The following COL3A1 variants were observed in gnomAD, a reference collection of about 807,000 sequenced individuals.
The protein encoded by COL3A1 is collagen type III alpha 1 chain.
Under a neutral mutation model 200.9 loss-of-function variants are expected in COL3A1, and 46 were observed. That is an observed-to-expected ratio of 0.23 (90% CI 0.18 to 0.29). The LOEUF is 0.29. Among genes scored for constraint, COL3A1 ranks in the 10% least tolerant of loss-of-function variants. The pLI is 1.00. For missense variants in COL3A1, 1,367 were observed against 1,917.6 expected, an observed-to-expected ratio of 0.71 and a Z score of 5.36; for synonymous variants, 650 against 628.0, an observed-to-expected ratio of 1.03 and a Z score of -0.52.
chr2:189,006,791 G>C, intron 43 of COL3A1, 146 bp from the exon 44 acceptor site: 4 of 919,766 alleles, frequency 4.3e-6, no homozygotes, highest in South Asian at 3.0e-5. Context: ...TTAGCACTTT[G>C]AAGGCAAAAA....
In COL3A1 at chr2:189,010,385, T is replaced by A; in HGVS notation, c.4011+20T>A. 6.2e-7 allele frequency: 1 copy of A among 1,613,002 alleles called. No homozygotes were observed. Among genetic ancestry groups the A allele is most frequent in the South Asian group, 1.1e-5 (1 of 91,052 alleles). ...TTTCAGGTAGGAAAGGATATACCTTTTTTTAAATAAGTCACCTCTATATCC... is the reference window on the plus strand; with the variant it reads ...TTTCAGGTAGGAAAGGATATACCTTATTTTAAATAAGTCACCTCTATATCC... On this transcript the variant is annotated intron_variant, in intron 49 of 50. Transcript: ENST00000304636.
At chr2:188,993,985 A>C in intron 16 of COL3A1, 53 bp from the exon 17 acceptor site, 3 of 1,539,296 alleles carry the variant, frequency 1.9e-6, no homozygotes, top group Non-Finnish European at 2.7e-6. Context: ...CTTCAAATAT[A>C]TACGAACTAT....
Position 188,996,586 on chromosome 2 carries a change from T to A in COL3A1, c.1761+90T>A, listed in dbSNP as rs940001592. On this transcript the variant is annotated intron_variant, in intron 24 of 50. Coordinates refer to ENST00000304636, the MANE Select transcript of COL3A1 (RefSeq NM_000090.4). ...GTAAAGAAATGGTCAAAACTCAGTC[T>A]CCTCTTCAAAGCATGGAGGAGTATA... 10 of 1,065,558 alleles carry A rather than the reference T, an allele frequency of 9.4e-6. No individual in the cohort carries two copies. In the Admixed American group the frequency reaches 2.1e-4, roughly 22 times the overall value. 66.0% of individuals were successfully genotyped at this position (1,065,558 alleles called of 1,614,324 possible). A position where few individuals can be genotyped will look rare whatever the true frequency, so the allele number is the denominator to read the frequency against.
intron 7 of COL3A1, 90 bp from the exon 8 acceptor site, chr2:188,989,306 G>C: frequency 1.1e-6 from 1 of 885,370 alleles, no homozygotes; most frequent in Non-Finnish European, 1.8e-6. Flanking sequence ...TCTAAAAGGA[G>C]GTTCCTTCCA....
At chr2:189,002,096 TA>T (rs1306843400) in intron 34 of COL3A1, among the ~76,000 whole-genome samples, 1 of 152,190 alleles carries the variant, frequency 6.6e-6, no homozygotes, top group Non-Finnish European at 1.5e-5. Context: ...AATATCACAG[TA>T]GGAGGCAGAA....
At position 189,011,412 on chromosome 2, in the gene COL3A1, A is replaced by C. The variant is rs13028444; in HGVS notation, c.4255-216A>C. Among the ~76,000 whole-genome samples the C allele has an allele frequency of 0.23, 35,472 of 152,122 alleles. 4,449 individuals carry two copies. Among genetic ancestry groups the C allele is most frequent in the Middle Eastern group, 0.34 (100 of 290 alleles). ...TGGTCTATAGCAATTGCCCTGCTGCATTTACTAAGAATCCTTACAAGGCAT... is the reference window on the plus strand; with the variant it reads ...TGGTCTATAGCAATTGCCCTGCTGCCTTTACTAAGAATCCTTACAAGGCAT... On this transcript the variant is annotated intron_variant, in intron 50 of 50. Transcript: ENST00000304636.
At chr2:188,980,139 G>A (rs954342719) in intron 1 of COL3A1, among the ~76,000 whole-genome samples, 2 of 151,570 alleles carry the variant, frequency 1.3e-5, no homozygotes, top group Non-Finnish European at 3.0e-5. Flanking sequence ...TTATTTATAA[G>A]ACTATACAAT....
Position 189,010,352 on chromosome 2 carries a change from A to T in COL3A1, c.3998A>T (p.Asp1333Val), listed in dbSNP as rs376651720. The part of the protein sequence containing the change: ...KKHVWFGESM[D>V]GGFQFSYGNP... ...CACGTTTGGTTTGGAGAGTCCATGG[A>T]TGGTGGTTTTCAGGTAGGAAAGGAT... Residue 1333 changes from aspartate to valine, a missense_variant, in exon 49 of 51, where the codon GAT (aspartate) becomes GTT (valine). Physicochemically the swap from Asp to Val is radical, Grantham distance 152. Around this residue, in one of 5 missense-constraint regions of COL3A1, gnomAD observed 846 missense variants for 1,147.9 expected, o/e 0.74. Transcript: ENST00000304636. 6.2e-7 allele frequency: 1 copy of T among 1,614,130 alleles called. No homozygotes were observed. The highest frequency in any genetic ancestry group is 1.1e-5 in the South Asian group (1 of 91,086).
chr2:189,009,357 C>A, intron 48 of COL3A1, 136 bp downstream of exon 48: 2 of 1,044,030 alleles, frequency 1.9e-6, no homozygotes, highest in African/African-American at 1.6e-5. Flanking sequence ...TGAATTGAAA[C>A]TGCTTGATAT....
Position 188,994,041 on chromosome 2 carries a change from C to T in COL3A1, c.1153C>T (p.Pro385Ser), listed in dbSNP as rs1688244022. ...GHAGAQGPPGPPGINGSPGGK... is the reference protein window; with the variant it reads ...GHAGAQGPPGSPGINGSPGGK... The stretch of plus-strand genomic sequence containing the variant: ...TATCTGTTTTTTGTATACTTAGGGC[C>T]CTCCTGGGATTAATGGTAGTCCTGG... The change falls in exon 17 of 51, where the codon CCT (proline) becomes TCT (serine). Residue 385 changes from proline to serine, a missense_variant. By Grantham distance (74) the Pro-to-Ser change is moderately conservative. Around this residue, in one of 5 missense-constraint regions of COL3A1, gnomAD observed 462 missense variants for 681.4 expected, o/e 0.68. Coordinates refer to ENST00000304636, the MANE Select transcript of COL3A1 (RefSeq NM_000090.4). This position sits in a 1 kb window ranked among gnomAD's most constrained non-coding sequence, Gnocchi z 4.5. The T allele has an allele frequency of 6.2e-7, 1 of 1,613,880 alleles. No individual in the cohort carries two copies.
rs780360348 is a variant in COL3A1, at chr2:188,985,798, T to TA, written c.447+26dup. Reference sequence around the variant, plus strand: ...CCTCAGGTATAACAATTACGGTACTTAAAAAATTCCCTCATAAAACTATCT... The same window carrying TA: ...CCTCAGGTATAACAATTACGGTACTTAAAAAAATTCCCTCATAAAACTATCT... On this transcript the variant is annotated intron_variant, in intron 4 of 50. Coordinates refer to ENST00000304636, the MANE Select transcript of COL3A1 (RefSeq NM_000090.4). 3.2e-6 allele frequency: 5 copies of TA among 1,539,478 alleles called. No individual in the cohort carries two copies. The highest frequency in any genetic ancestry group is 1.4e-5 in the African/African-American group (1 of 73,464).
Position 188,992,171 on chromosome 2 carries a change from C to G in COL3A1, c.952-13C>G. On this transcript the variant is annotated splice_polypyrimidine_tract_variant and intron_variant, in intron 13 of 50. Coordinates refer to ENST00000304636, the MANE Select transcript of COL3A1 (RefSeq NM_000090.4). ...GAATTAAAAGGATATTTGATGTAAA[C>G]TTCTCTTTTTAGGGTGCTCGGGGTA... is the stretch of plus-strand genomic sequence containing the variant. 1 of 1,613,810 alleles carries G rather than the reference C, an allele frequency of 6.2e-7. No homozygotes were observed. Among genetic ancestry groups the G allele is most frequent in the Non-Finnish European group, 8.5e-7 (1 of 1,179,802 alleles).
intron 22 of COL3A1, 65 bp from the exon 23 acceptor site, chr2:188,996,060 A>C: frequency 7.1e-7 from 1 of 1,402,002 alleles, no homozygotes; most frequent in Non-Finnish European, 1.0e-6. Context: ...TCATACAAAT[A>C]GTGTATGTAG....
Position 188,997,713 on chromosome 2 carries a change from A to G in COL3A1, c.1883A>G (p.Asp628Gly). 1.2e-6 allele frequency: 2 copies of G among 1,613,884 alleles called. No individual in the cohort carries two copies. Among genetic ancestry groups the G allele is most frequent in the Non-Finnish European group, 1.7e-6 (2 of 1,179,790 alleles). Residue 628 changes from aspartate to glycine, a missense_variant, in exon 27 of 51, where the codon GAC becomes GGC. Physicochemically the swap from Asp to Gly is moderately conservative, Grantham distance 94. This residue lies in a region of COL3A1 where 846 missense variants were observed against 1,147.9 expected (regional missense o/e 0.74). Coordinates refer to ENST00000304636, the MANE Select transcript of COL3A1 (RefSeq NM_000090.4). ...GPPGPTGPGG[D>G]KGDTGPPGPQ... ...ATACTTTTCTAGGGGCCTGGTGGTG[A>G]CAAAGGAGACACAGGACCCCCTGGT...
chr2:189,010,677 A>C lies in COL3A1; in HGVS notation c.4041A>C (p.Glu1347Asp). 4 of 1,614,174 alleles carry C rather than the reference A, an allele frequency of 2.5e-6. No individual in the cohort carries two copies. Among genetic ancestry groups the C allele is most frequent in the Non-Finnish European group, 3.4e-6 (4 of 1,180,000 alleles). The change falls in exon 50 of 51, where the codon GAA becomes GAC. Residue 1347 changes from glutamate to aspartate, a missense_variant. Glu to Asp is a conservative substitution (Grantham distance 45, BLOSUM62 2). Coordinates refer to ENST00000304636, the MANE Select transcript of COL3A1 (RefSeq NM_000090.4). ...GCTACGGCAATCCTGAACTTCCTGA[A>C]GATGTCCTTGATGTGCATCTGGCAT... ...QFSYGNPELP[E>D]DVLDVHLAFL...
chr2:188,975,944 C>T (rs1396983196), intron 1 of COL3A1, among the ~76,000 whole-genome samples: 1 of 151,824 alleles, frequency 6.6e-6, no homozygotes, highest in East Asian at 1.9e-4. Flanking sequence ...CTGCCTGTTA[C>T]TCCCTCCCTA....
At chr2:189,003,819 ACAC>A (rs753135919) in intron 38 of COL3A1, 32 bp downstream of exon 38, 1 of 1,610,686 alleles carries the variant, frequency 6.2e-7, no homozygotes, top group South Asian at 1.1e-5. Context: ...TTCTCATCAT[ACAC>A]TTCAGAAAGA....
intron 48 of COL3A1, 22 bp from the exon 49 acceptor site, chr2:189,010,156 A>G: frequency 6.2e-7 from 1 of 1,613,000 alleles, no homozygotes; most frequent in Non-Finnish European, 8.5e-7. Flanking sequence ...ACCAATTCCC[A>G]TTCTTTTTTG....
chr2:188,990,855 C>G (rs1688173057), intron 10 of COL3A1, 149 bp from the exon 11 acceptor site: 1 of 784,278 alleles, frequency 1.3e-6, no homozygotes, highest in African/African-American at 1.7e-5. Flanking sequence ...GAAATATCTT[C>G]AACCCCTTTA....
Sources: gnomAD v4.1 joint callset for allele counts (sites outside exome capture counted in the v4.1 genomes callset) on GRCh38, gnomAD v4.1.1 for gene constraint, gnomAD v4.1.1 regional missense constraint, Gnocchi (gnomAD v3.1) non-coding constraint, MANE v1.5 for transcripts, NCBI Gene and HGNC (gene_info 2026-07-23, HGNC 2026-07-21) for gene names.